The following SCD5 variants were observed in gnomAD, a reference collection of about 807,000 sequenced individuals.
The protein encoded by SCD5 is stearoyl-CoA desaturase 5.
A neutral mutation model predicts 30.4 loss-of-function variants in SCD5; 20 were observed. The ratio of observed to expected loss-of-function variants is 0.66; its 90% CI spans 0.46 to 0.96. The LOEUF (loss-of-function observed/expected upper bound fraction) is 0.96, where lower values mean the gene tolerates loss of function less well. Among genes scored for constraint, SCD5 ranks in the 40% least tolerant of loss-of-function variants. The probability of loss-of-function intolerance (pLI) is 0.00; values close to 1 mark genes in which losing one functional copy is unlikely to be tolerated. For missense variants in SCD5, 381 were observed against 443.3 expected, an observed-to-expected ratio of 0.86 and a Z score of 1.26; for synonymous variants, 173 against 176.4, an observed-to-expected ratio of 0.98 and a Z score of 0.16.
chr4:82,722,304 C>A (rs1322913137), intron 1 of SCD5, among the ~76,000 whole-genome samples: 3 of 121,368 alleles, frequency 2.5e-5, no homozygotes, highest in African/African-American at 3.6e-5. Flanking sequence ...TAGTTATGAT[C>A]AAAAAATTTT....
intron 1 of SCD5, among the ~76,000 whole-genome samples, chr4:82,728,985 C>A (rs771735469): frequency 1.4e-4 from 22 of 152,168 alleles, no homozygotes; most frequent in Non-Finnish European, 2.8e-4. Flanking sequence ...GATTTCTGAC[C>A]TCGATTTTTA....
intron 3 of SCD5, among the ~76,000 whole-genome samples, chr4:82,638,359 A>G (rs1727475723): frequency 6.6e-6 from 1 of 152,116 alleles, no homozygotes; most frequent in African/African-American, 2.4e-5. Flanking sequence ...CTCCATTGAC[A>G]GGCATGGATG....
chr4:82,647,691 T>A (rs1391657184), intron 3 of SCD5, among the ~76,000 whole-genome samples: 1 of 152,160 alleles, frequency 6.6e-6, no homozygotes, highest in East Asian at 1.9e-4. Context: ...CCCTGATAGA[T>A]CTCCTCTCAA....
At chr4:82,633,192 T>C (rs527975056) in intron 4 of SCD5, among the ~76,000 whole-genome samples, 1 of 139,246 alleles carries the variant, frequency 7.2e-6, no homozygotes, top group Non-Finnish European at 1.5e-5. Flanking sequence ...CTCTACTTCG[T>C]TCAACTTTTT....
chr4:82,643,583 T>C (rs1385658306), intron 3 of SCD5, among the ~76,000 whole-genome samples: 1 of 152,236 alleles, frequency 6.6e-6, no homozygotes, highest in Non-Finnish European at 1.5e-5. Context: ...AAAGTTATTA[T>C]TTCATGAGAA....
chr4:82,686,692 G>C (rs181027506), intron 2 of SCD5, among the ~76,000 whole-genome samples: 171 of 152,224 alleles, frequency 1.1e-3, no homozygotes, highest in Admixed American at 4.6e-4. Context: ...AAGAGAAAAA[G>C]CCTTAGTGTT....
chr4:82,635,026 C>T (rs1577998268), intron 4 of SCD5, among the ~76,000 whole-genome samples: 1 of 152,156 alleles, frequency 6.6e-6, no homozygotes, highest in South Asian at 2.1e-4. Flanking sequence ...AAACAGATGG[C>T]CCTAATGAAG....
At chr4:82,668,373 G>A (rs536237083) in intron 3 of SCD5, among the ~76,000 whole-genome samples, 101 of 152,246 alleles carry the variant, frequency 6.6e-4, no homozygotes, top group African/African-American at 2.4e-3. Flanking sequence ...TCAGGCATTG[G>A]GCAGATGTGT....
chr4:82,779,648 C>A (rs914996091), intron 1 of SCD5, among the ~76,000 whole-genome samples: 6 of 152,176 alleles, frequency 3.9e-5, no homozygotes, highest in African/African-American at 1.2e-4. Context: ...ACCAGAACAA[C>A]CTCATGCAAA....
chr4:82,713,978 C>T (rs1433126142), intron 1 of SCD5, among the ~76,000 whole-genome samples: 7 of 152,178 alleles, frequency 4.6e-5, no homozygotes, highest in South Asian at 2.1e-4. Context: ...ACTCTATGAT[C>T]GCTACATGAC....
intron 1 of SCD5, among the ~76,000 whole-genome samples, chr4:82,745,022 G>A (rs919422121): frequency 6.6e-6 from 1 of 152,106 alleles, no homozygotes; most frequent in Non-Finnish European, 1.5e-5. Context: ...CCTATTTCTG[G>A]CTATGGAAAA....
At chr4:82,669,725 T>C (rs1728267869) in intron 3 of SCD5, among the ~76,000 whole-genome samples, 1 of 152,220 alleles carries the variant, frequency 6.6e-6, no homozygotes, top group Non-Finnish European at 1.5e-5. Context: ...TTCCCTTGTA[T>C]TTCCACCAGG....
In SCD5 at chr4:82,798,167, C is replaced by A. The variant is rs538689420; in HGVS notation, c.232+139G>T. On this transcript the variant is annotated intron_variant, in intron 1 of 4. Transcript: ENST00000319540. ...ACGGAAAACTGGATGCCAAGGGGGC[C>A]GCGGCGCGCAGCGGGAGGCGAGGGG... The A allele has an allele frequency of 2.4e-4, 230 of 975,074 alleles. No homozygotes were observed. The African/African-American group carries it at 3.5e-3, about 15-fold the overall frequency. 60.4% of individuals were successfully genotyped at this position (975,074 alleles called of 1,614,324 possible).
intron 3 of SCD5, among the ~76,000 whole-genome samples, chr4:82,662,857 C>CAAAAAA (rs11340677): frequency 4.1e-5 from 3 of 72,846 alleles, no homozygotes; most frequent in Non-Finnish European, 5.6e-5. Context: ...AACTCCGTCT[C>CAAAAAA]AAAAAAAAAA....
chr4:82,725,567 A>C (rs1319436319), intron 1 of SCD5, among the ~76,000 whole-genome samples: 2 of 86,432 alleles, frequency 2.3e-5, no homozygotes, highest in East Asian at 5.4e-4. Context: ...TCCTTTAGAA[A>C]ATAAAGCCTG....
chr4:82,792,823 C>G (rs560709330), intron 1 of SCD5, among the ~76,000 whole-genome samples: 1 of 152,170 alleles, frequency 6.6e-6, no homozygotes, highest in Non-Finnish European at 1.5e-5. Context: ...TGTAAAGAAA[C>G]GAGTCTGAAG....
chr4:82,732,222 T>G lies in SCD5; in HGVS notation c.233-26809A>C, dbSNP rs1181809655. Among the ~76,000 whole-genome samples the G allele has an allele frequency of 2.0e-5, 3 of 152,284 alleles. No homozygotes were observed. In the East Asian group the frequency reaches 5.8e-4, roughly 29 times the overall value. ...TTCAAGCGATTCTCCTGCCTCAGCC[T>G]CCCGAGTAGCTCAGACTACAGCTAC... On this transcript the variant is annotated intron_variant, in intron 1 of 4. Coordinates refer to ENST00000319540, the MANE Select transcript of SCD5 (RefSeq NM_001037582.3).
At chr4:82,702,156 T>TTTTTTTA (rs1719861930) in intron 2 of SCD5, among the ~76,000 whole-genome samples, 1 of 139,710 alleles carries the variant, frequency 7.2e-6, no homozygotes, top group Non-Finnish European at 1.5e-5. Context: ...TTTTTTTTTT[T>TTTTTTTA]TTTTGTGAGA....
intron 1 of SCD5, among the ~76,000 whole-genome samples, chr4:82,730,623 T>C (rs1183224167): frequency 1.4e-5 from 2 of 142,264 alleles, no homozygotes; most frequent in African/African-American, 5.4e-5. Flanking sequence ...TCTCACTCTG[T>C]TGCCCAGGCT....
Sources: gnomAD v4.1 joint callset for allele counts (sites outside exome capture counted in the v4.1 genomes callset) on GRCh38, gnomAD v4.1.1 for gene constraint, MANE v1.5 for transcripts, NCBI Gene and HGNC (gene_info 2026-07-23, HGNC 2026-07-21) for gene names.